Variants in ENTREP2 observed in about 807,000 individuals in gnomAD.
ENTREP2 encodes the protein protein ENTREP2.
chr15:29,644,896 G>A, the ENTREP2 span, among the ~76,000 whole-genome samples: 1 of 151,508 alleles, frequency 6.6e-6, no homozygotes, highest in Middle Eastern at 3.2e-3. Flanking sequence ...GGGTCCCAAA[G>A]TTACTAACCC....
the ENTREP2 span, among the ~76,000 whole-genome samples, chr15:29,133,566 G>A: frequency 3.4e-3 from 524 of 152,288 alleles, 4 homozygotes; most frequent in Middle Eastern, 0.014. Context: ...TCCATGGTGC[G>A]CCACGTGGCC....
chr15:29,250,859 C>A, the ENTREP2 span, among the ~76,000 whole-genome samples: 3 of 152,094 alleles, frequency 2.0e-5, no homozygotes, highest in Non-Finnish European at 2.9e-5. Context: ...TACACCATAC[C>A]GAGAATACTT....
the ENTREP2 span, among the ~76,000 whole-genome samples, chr15:29,513,445 A>C: frequency 6.6e-6 from 1 of 152,220 alleles, no homozygotes. Context: ...CAACATTAGC[A>C]AGAAGCAAAC....
chr15:29,565,450 C>T, the ENTREP2 span, among the ~76,000 whole-genome samples: 1 of 151,106 alleles, frequency 6.6e-6, no homozygotes, highest in Admixed American at 6.6e-5. Flanking sequence ...TTTGTAGACA[C>T]ATAGAACTGG....
At chr15:29,422,282 AAAAAG>A in the ENTREP2 span, among the ~76,000 whole-genome samples, 1 of 152,002 alleles carries the variant, frequency 6.6e-6, no homozygotes, top group South Asian at 2.1e-4. Context: ...AAAAAAAAGA[AAAAAG>A]AAAAAAAGAA....
At chr15:29,261,348 A>G in the ENTREP2 span, among the ~76,000 whole-genome samples, 2 of 152,312 alleles carry the variant, frequency 1.3e-5, no homozygotes, top group South Asian at 4.1e-4. Context: ...ACTGCATTCT[A>G]GCCTGGGCAA....
the ENTREP2 span, among the ~76,000 whole-genome samples, chr15:29,493,664 T>TAGAC: frequency 0.046 from 6,944 of 151,914 alleles, 510 homozygotes; most frequent in African/African-American, 0.16. Flanking sequence ...TATAGATAGA[T>TAGAC]AGACAGATAG....
At chr15:29,588,599 GGAAGGAAA>G in the ENTREP2 span, among the ~76,000 whole-genome samples, 1 of 147,950 alleles carries the variant, frequency 6.8e-6, no homozygotes, top group Non-Finnish European at 1.5e-5. Context: ...GAGGAAGGAA[GGAAGGAAA>G]GAAAAGACAG....
At chr15:29,406,110 C>T in the ENTREP2 span, among the ~76,000 whole-genome samples, 1 of 152,144 alleles carries the variant, frequency 6.6e-6, no homozygotes, top group Non-Finnish European at 1.5e-5. Flanking sequence ...TATAATGTGT[C>T]ATGATCATGA....
At chr15:29,119,135 C>T in the ENTREP2 span, among the ~76,000 whole-genome samples, 114 of 152,306 alleles carry the variant, frequency 7.5e-4, 1 homozygote, top group South Asian at 0.017. Flanking sequence ...CCTTTCAAGG[C>T]GCACACCAGC....
At chr15:29,644,288 T>C in the ENTREP2 span, among the ~76,000 whole-genome samples, 1 of 152,098 alleles carries the variant, frequency 6.6e-6, no homozygotes, top group Non-Finnish European at 1.5e-5. Flanking sequence ...GATGGGACAA[T>C]GACAAAGGGG....
the ENTREP2 span, among the ~76,000 whole-genome samples, chr15:29,208,512 G>A: frequency 9.9e-5 from 15 of 152,160 alleles, no homozygotes; most frequent in Non-Finnish European, 2.2e-4. Flanking sequence ...TGCAGGAAGC[G>A]ACAGCTGAGG....
chr15:29,290,696 G>A, the ENTREP2 span, among the ~76,000 whole-genome samples: 1 of 152,238 alleles, frequency 6.6e-6, no homozygotes, highest in Non-Finnish European at 1.5e-5. Flanking sequence ...GACTGATGCT[G>A]TCTGTGCTTA....
chr15:29,133,260 T>C, the ENTREP2 span, among the ~76,000 whole-genome samples: 3 of 152,122 alleles, frequency 2.0e-5, no homozygotes, highest in Admixed American at 1.3e-4. Flanking sequence ...CTCTCCTCTT[T>C]ACCAAACATC....
chr15:29,625,254 G>T, the ENTREP2 span, among the ~76,000 whole-genome samples: 1 of 152,080 alleles, frequency 6.6e-6, no homozygotes, highest in African/African-American at 2.4e-5. Context: ...GAACCAGTTT[G>T]TTCAACTCTT....
chr15:29,361,934 G>A, the ENTREP2 span, among the ~76,000 whole-genome samples: 1 of 152,182 alleles, frequency 6.6e-6, no homozygotes, highest in Non-Finnish European at 1.5e-5. Context: ...GATACTAAGT[G>A]GTTTATTGTA....
the ENTREP2 span, among the ~76,000 whole-genome samples, chr15:29,207,323 G>A: frequency 2.6e-5 from 4 of 152,182 alleles, no homozygotes; most frequent in South Asian, 2.1e-4. Flanking sequence ...GGCCGCAGAC[G>A]TTCCCAGCGA....
the ENTREP2 span, among the ~76,000 whole-genome samples, chr15:29,620,718 T>C: frequency 1.3e-5 from 2 of 151,888 alleles, no homozygotes; most frequent in African/African-American, 2.4e-5. Context: ...AAGAAATAAG[T>C]GGGAAGAAGG....
At chr15:29,141,656 G>A in the ENTREP2 span, among the ~76,000 whole-genome samples, 4 of 152,154 alleles carry the variant, frequency 2.6e-5, no homozygotes, top group Non-Finnish European at 5.9e-5. Flanking sequence ...GCTCCTGAAG[G>A]GAGCACACAC....
Sources: gnomAD v4.1 joint callset for allele counts (sites outside exome capture counted in the v4.1 genomes callset) on GRCh38, gnomAD v4.1.1 for gene constraint, MANE v1.5 for transcripts, NCBI Gene and HGNC (gene_info 2026-07-23, HGNC 2026-07-21) for gene names.